TMTC2: variants seen among roughly 807,000 people sequenced by gnomAD.
The protein encoded by TMTC2 is protein O-mannosyl-transferase TMTC2.
In TMTC2, 43 loss-of-function variants were observed where a neutral mutation model predicts 82.4. The ratio of observed to expected loss-of-function variants is 0.52; its 90% CI spans 0.41 to 0.67. The LOEUF (loss-of-function observed/expected upper bound fraction) is 0.67, where lower values mean the gene tolerates loss of function less well. Ranked by LOEUF, TMTC2 falls within the 30% of genes least tolerant of loss-of-function variation. The probability of loss-of-function intolerance (pLI) is 0.00; values close to 1 mark genes in which losing one functional copy is unlikely to be tolerated. For synonymous variants in TMTC2, 408 were observed against 381.9 expected (o/e 1.07, Z -0.80); for missense variants, 919 against 1,012.4 (o/e 0.91, Z 1.25).
At chr12:82,729,560 G>T (rs976181948) in intron 1 of TMTC2, among the ~76,000 whole-genome samples, 1 of 152,164 alleles carries the variant, frequency 6.6e-6, no homozygotes. Flanking sequence ...AGCTAGTCTC[G>T]TGGGGAAGTG....
chr12:82,998,374 A>G (rs1298706820), intron 8 of TMTC2, among the ~76,000 whole-genome samples: 2 of 152,210 alleles, frequency 1.3e-5, no homozygotes, highest in Non-Finnish European at 2.9e-5. Flanking sequence ...TGAATCCAAA[A>G]GAAAAGAGTT....
intron 10 of TMTC2, among the ~76,000 whole-genome samples, chr12:83,057,496 T>C (rs1294389710): frequency 1.3e-5 from 2 of 152,018 alleles, no homozygotes; most frequent in Non-Finnish European, 2.9e-5. Context: ...TTTTTACATA[T>C]GTATGACTCT....
chr12:82,926,383 G>A (rs1281545799), intron 3 of TMTC2, among the ~76,000 whole-genome samples: 1 of 152,184 alleles, frequency 6.6e-6, no homozygotes, highest in East Asian at 1.9e-4. Flanking sequence ...TCAATTCTAT[G>A]AAGGCTGAGA....
intron 1 of TMTC2, among the ~76,000 whole-genome samples, chr12:82,817,117 G>A (rs968171711): frequency 2.6e-5 from 4 of 151,666 alleles, no homozygotes; most frequent in East Asian, 3.9e-4. Context: ...ATAGGCGCCC[G>A]CCACCACACC....
At chr12:82,742,452 A>G (rs1875461430) in intron 1 of TMTC2, among the ~76,000 whole-genome samples, 1 of 152,076 alleles carries the variant, frequency 6.6e-6, no homozygotes. Flanking sequence ...ATAGTGTTCA[A>G]ATGAGAGTAA....
intron 7 of TMTC2, among the ~76,000 whole-genome samples, chr12:82,971,253 T>G (rs2137313291): frequency 6.6e-6 from 1 of 152,196 alleles, no homozygotes; most frequent in African/African-American, 2.4e-5. Context: ...TTAGTCCTTC[T>G]GTGTTACCTA....
intron 9 of TMTC2, among the ~76,000 whole-genome samples, chr12:83,033,858 ATG>A (rs1364453231): frequency 6.8e-6 from 1 of 148,040 alleles, no homozygotes; most frequent in African/African-American, 2.5e-5. Context: ...GTATATATAT[ATG>A]TGTATGTGTA....
chr12:82,858,402 G>C (rs1447704442), intron 2 of TMTC2, among the ~76,000 whole-genome samples: 2 of 152,184 alleles, frequency 1.3e-5, no homozygotes, highest in East Asian at 3.9e-4. Context: ...CTTTGACTTT[G>C]GCGTGAAGAC....
intron 6 of TMTC2, 186 bp downstream of exon 6, chr12:82,965,930 T>C: frequency 3.3e-6 from 2 of 607,058 alleles, no homozygotes; most frequent in Admixed American, 3.0e-5. Context: ...CAAATTTGTT[T>C]AGAAAAAGCT....
intron 11 of TMTC2, among the ~76,000 whole-genome samples, chr12:83,096,629 A>T (rs1222022551): frequency 1.3e-5 from 2 of 152,208 alleles, no homozygotes; most frequent in African/African-American, 4.8e-5. Flanking sequence ...TAAAACCATC[A>T]GATCTCATGA....
chr12:82,956,778 A>G (rs1877637739), intron 4 of TMTC2, among the ~76,000 whole-genome samples: 1 of 152,152 alleles, frequency 6.6e-6, no homozygotes, highest in African/African-American at 2.4e-5. Flanking sequence ...TTAAATGAGC[A>G]TAAGTAAAAA....
rs147361785 is a variant in TMTC2, at chr12:82,903,425, T to G, written c.1483+6779T>G. Among the ~76,000 whole-genome samples the G allele has an allele frequency of 7.1e-3, 1,077 of 152,306 alleles. 18 individuals carry two copies. Among genetic ancestry groups the G allele is most frequent in the African/African-American group, 0.024 (1,016 of 41,576 alleles). ...GTTTTTGTTTTGTTTTTGTTTTGTT[T>G]TTTTGAGACAGAGTCTCGCTCTGTC... On this transcript the variant is annotated intron_variant, in intron 3 of 11. Transcript: ENST00000321196.
chr12:82,713,944 A>T (rs1275083116), intron 1 of TMTC2, among the ~76,000 whole-genome samples: 4 of 152,202 alleles, frequency 2.6e-5, no homozygotes, highest in African/African-American at 4.8e-5. Flanking sequence ...TGTGCACTTG[A>T]TAGGTGCCAG....
chr12:82,962,222 A>T (rs529291794), intron 4 of TMTC2, among the ~76,000 whole-genome samples: 4 of 152,024 alleles, frequency 2.6e-5, no homozygotes, highest in Non-Finnish European at 5.9e-5. Context: ...GGCTAAGTAC[A>T]TCAGTTTTCA....
intron 1 of TMTC2, among the ~76,000 whole-genome samples, chr12:82,739,754 G>A (rs1592890678): frequency 6.7e-6 from 1 of 148,912 alleles, no homozygotes; most frequent in Non-Finnish European, 1.5e-5. Context: ...TAAGGCAAGC[G>A]TCCAAGTTTA....
intron 1 of TMTC2, among the ~76,000 whole-genome samples, chr12:82,690,718 C>T (rs765922462): frequency 6.6e-6 from 1 of 152,072 alleles, no homozygotes; most frequent in Non-Finnish European, 1.5e-5. Context: ...CCCTTGCTTT[C>T]AATCTAGTAT....
chr12:82,769,267 G>C (rs1877153912), intron 1 of TMTC2, among the ~76,000 whole-genome samples: 1 of 151,916 alleles, frequency 6.6e-6, no homozygotes, highest in South Asian at 2.1e-4. Flanking sequence ...TAGGTCAGGA[G>C]TTTGAGACCA....
chr12:82,865,002 C>G (rs1461786504), intron 2 of TMTC2, among the ~76,000 whole-genome samples: 1 of 144,024 alleles, frequency 6.9e-6, no homozygotes, highest in East Asian at 2.1e-4. Context: ...ATCACGAGAT[C>G]AGGAGTTTGA....
chr12:82,815,113 T>A (rs1868615631), intron 1 of TMTC2, among the ~76,000 whole-genome samples: 1 of 151,740 alleles, frequency 6.6e-6, no homozygotes, highest in Non-Finnish European at 1.5e-5. Flanking sequence ...CTTAAGGACT[T>A]TGTGTACAGT....
Sources: allele counts gnomAD v4.1 joint callset (sites outside exome capture counted in the v4.1 genomes callset), GRCh38; gene constraint gnomAD v4.1.1; transcripts MANE v1.5; gene names NCBI Gene and HGNC (gene_info 2026-07-23, HGNC 2026-07-21).